CHTF8: variants seen among roughly 807,000 people sequenced by gnomAD.
CHTF8 encodes chromosome transmission fidelity protein 8 homolog.
Under a neutral mutation model 11.0 loss-of-function variants are expected in CHTF8, and 6 were observed. The observed-to-expected ratio is 0.55, with a 90% CI of 0.30 to 1.08. The LOEUF (loss-of-function observed/expected upper bound fraction) is 1.08, where lower values mean the gene tolerates loss of function less well. Among genes scored for constraint, CHTF8 ranks in the 50% least tolerant of loss-of-function variants. CHTF8 has a pLI of 0.07. For missense variants in CHTF8, 140 were observed against 153.1 expected, an observed-to-expected ratio of 0.91 and a Z score of 0.45; for synonymous variants, 53 against 60.5, an observed-to-expected ratio of 0.88 and a Z score of 0.57.
intron 1 of CHTF8, among the ~76,000 whole-genome samples, chr16:69,124,622 G>A (rs1012090760): frequency 1.3e-4 from 19 of 151,652 alleles, no homozygotes; most frequent in Admixed American, 3.9e-4. Context: ...TGATCCACCC[G>A]CCTCAGCCTC....
rs2152263147 is a variant in CHTF8 at position 69,118,139 on chromosome 16, ATTCC to A, written c.*2282_*2285del. 1 of 341,256 alleles carries A rather than the reference ATTCC, an allele frequency of 2.9e-6. No individual in the cohort carries two copies. The highest frequency in any genetic ancestry group is 5.4e-6 in the Non-Finnish European group (1 of 185,694). The allele number at this position is 341,256 out of a possible 1,614,324, so 21.1% of individuals were successfully genotyped here. Reference sequence around the variant, plus strand: ...CCCTTCATCCCCCACCCCCACCCTAATTCCCATATTCCCATCCACATCAGTTTAA... The same window carrying A: ...CCCTTCATCCCCCACCCCCACCCTAACATATTCCCATCCACATCAGTTTAA... On this transcript the variant is annotated 3_prime_UTR_variant, in exon 4 of 4. Transcript: ENST00000448552.
In CHTF8 at chr16:69,120,254, C is replaced by T; in HGVS notation, c.*171G>A. 1 of 720,964 alleles carries T rather than the reference C, an allele frequency of 1.4e-6. No homozygotes were observed. Among genetic ancestry groups the T allele is most frequent in the South Asian group, 1.5e-5 (1 of 67,950 alleles). 44.7% of individuals were successfully genotyped at this position (720,964 alleles called of 1,614,324 possible). ...CTTGGAAATGGGGTCAGATTTCCAC[C>T]AAGAGAACCGGCCGCCATAAGGAAG... On this transcript the variant is annotated 3_prime_UTR_variant, in exon 4 of 4. Transcript: ENST00000448552. The surrounding 1 kb of genome is among the most constrained non-coding windows in gnomAD (Gnocchi z 4.0).
Position 69,120,056 on chromosome 16 carries a change from G to A in CHTF8, c.*369C>T, listed in dbSNP as rs1454800941. On this transcript the variant is annotated 3_prime_UTR_variant, in exon 4 of 4. Coordinates refer to ENST00000448552, the MANE Select transcript of CHTF8 (RefSeq NM_001039690.5). This position sits in a 1 kb window ranked among gnomAD's most constrained non-coding sequence, Gnocchi z 4.0. Reference sequence around the variant, plus strand: ...GTCCTAGGGTTTAGGGTGGGGCCTGGGCCTGGGCCTGGCCCCAAGAGGCCA... The same window carrying A: ...GTCCTAGGGTTTAGGGTGGGGCCTGAGCCTGGGCCTGGCCCCAAGAGGCCA... The A allele has an allele frequency of 1.6e-5, 11 of 689,174 alleles. No homozygotes were observed. Among genetic ancestry groups the A allele is most frequent in the African/African-American group, 1.4e-4 (8 of 56,142 alleles). 42.7% of individuals were successfully genotyped at this position (689,174 alleles called of 1,614,324 possible).
chr16:69,130,251 C>T (rs149563943), intron 1 of CHTF8, among the ~76,000 whole-genome samples: 1,912 of 152,120 alleles, frequency 0.013, 40 homozygotes, highest in African/African-American at 0.043. Context: ...TTTGACTCAA[C>T]GGTTTAACCT....
chr16:69,124,910 T>C (rs185772714), intron 1 of CHTF8, among the ~76,000 whole-genome samples: 22 of 152,048 alleles, frequency 1.4e-4, no homozygotes, highest in Non-Finnish European at 2.6e-4. Flanking sequence ...GTCAACTCAC[T>C]AGACTTTTTT....
At chr16:69,129,997 T>G (rs1260396697) in intron 1 of CHTF8, among the ~76,000 whole-genome samples, 1 of 152,242 alleles carries the variant, frequency 6.6e-6, no homozygotes, top group African/African-American at 2.4e-5. Flanking sequence ...TGCTCCTGAA[T>G]GTGAAAGTCA....
intron 1 of CHTF8, among the ~76,000 whole-genome samples, chr16:69,129,335 C>T (rs1448831181): frequency 1.4e-5 from 2 of 145,702 alleles, no homozygotes; most frequent in East Asian, 4.1e-4. Flanking sequence ...GAGGCTGAGG[C>T]AGGAGAATGG....
Position 69,118,644 on chromosome 16 carries a change from G to A in CHTF8, c.*1781C>T, listed in dbSNP as rs1457920771. On this transcript the variant is annotated 3_prime_UTR_variant, in exon 4 of 4. Transcript: ENST00000448552. Reference sequence around the variant, plus strand: ...TGGAGATCCTTTCTCTCAAGGGCAGGATTATTCCCACCTGCCACAGTTCAC... The same window carrying A: ...TGGAGATCCTTTCTCTCAAGGGCAGAATTATTCCCACCTGCCACAGTTCAC... 2 of 697,384 alleles carry A rather than the reference G, an allele frequency of 2.9e-6. No homozygotes were observed. The highest frequency in any genetic ancestry group is 1.8e-5 in the African/African-American group (1 of 56,960). The allele number at this position is 697,384 out of a possible 1,614,324, so 43.2% of individuals were successfully genotyped here.
In CHTF8 at chr16:69,132,513, G is replaced by T. The variant is rs1481671706; in HGVS notation, c.-65C>A. 1 of 283,654 alleles carries T rather than the reference G, an allele frequency of 3.5e-6. No homozygotes were observed. The highest frequency in any genetic ancestry group is 2.7e-5 in the South Asian group (1 of 36,408). The allele number at this position is 283,654 out of a possible 1,614,324, so 17.6% of individuals were successfully genotyped here. A position where few individuals can be genotyped will look rare whatever the true frequency, so the allele number is the denominator to read the frequency against. On this transcript the variant is annotated 5_prime_UTR_variant, in exon 1 of 4. Transcript: ENST00000448552. ...AATGGCGGCCGCCGAGCGCGGCGCC[G>T]CGCGGCCAACGGGCGACAACCGAAC...
chr16:69,119,190 G>A lies in CHTF8; in HGVS notation c.*1235C>T. 1.4e-6 allele frequency: 1 copy of A among 703,074 alleles called. No homozygotes were observed. The highest frequency in any genetic ancestry group is 1.5e-5 in the South Asian group (1 of 67,568). 43.6% of individuals were successfully genotyped at this position (703,074 alleles called of 1,614,324 possible). On this transcript the variant is annotated 3_prime_UTR_variant, in exon 4 of 4. Coordinates refer to ENST00000448552, the MANE Select transcript of CHTF8 (RefSeq NM_001039690.5). ...GACCCTGCAGGCCAGTGGCCCTTGG[G>A]AAGTTAGCTGGGTTGGGGCCAAGTG...
chr16:69,125,525 C>T (rs1962000142), intron 1 of CHTF8, among the ~76,000 whole-genome samples: 9 of 152,150 alleles, frequency 5.9e-5, no homozygotes, highest in Admixed American at 5.9e-4. Context: ...GAAAAAGAAT[C>T]AAGGCATCAG....
intron 1 of CHTF8, 45 bp from the exon 2 acceptor site, chr16:69,121,538 T>C (rs1464718904): frequency 2.5e-6 from 3 of 1,206,786 alleles, no homozygotes; most frequent in African/African-American, 1.5e-5. Context: ...CAACAACAAC[T>C]AATAATGACA....
Position 69,121,368 on chromosome 16 carries a change from G to A in CHTF8, c.23+68C>T. ...GCACCTAAGGACCCTGATTCTTCCA[G>A]ACACATGGCACACCTCTATAGCCCT... On this transcript the variant is annotated intron_variant, in intron 2 of 3. Coordinates refer to ENST00000448552, the MANE Select transcript of CHTF8 (RefSeq NM_001039690.5). 4.9e-6 allele frequency: 7 copies of A among 1,415,756 alleles called. 1 individual carries two copies. In the South Asian group the frequency reaches 7.6e-5, roughly 15 times the overall value. The allele number at this position is 1,415,756 out of a possible 1,614,324, so 87.7% of individuals were successfully genotyped here.
chr16:69,126,148 G>T (rs1407048663), intron 1 of CHTF8, among the ~76,000 whole-genome samples: 1 of 152,156 alleles, frequency 6.6e-6, no homozygotes, highest in Non-Finnish European at 1.5e-5. Context: ...AAATACAGGT[G>T]GTTTTAGAGA....
intron 1 of CHTF8, among the ~76,000 whole-genome samples, chr16:69,125,123 C>T (rs1485824818): frequency 1.3e-5 from 2 of 152,082 alleles, no homozygotes; most frequent in African/African-American, 4.8e-5. Context: ...AGGCTGGTCT[C>T]GAACTCCCAA....
At chr16:69,124,678 T>C (rs1961931338) in intron 1 of CHTF8, among the ~76,000 whole-genome samples, 1 of 152,084 alleles carries the variant, frequency 6.6e-6, no homozygotes, top group African/African-American at 2.4e-5. Context: ...CCCAGCCGAT[T>C]TCTTTAAGAG....
In CHTF8 at chr16:69,124,259, T is replaced by C. The variant is rs146696723; in HGVS notation, c.-35-2766A>G. 2.0e-3 allele frequency among the ~76,000 whole-genome samples: 305 copies of C among 152,274 alleles called. 6 individuals carry two copies. The highest frequency in any genetic ancestry group is 0.017 in the Admixed American group (264 of 15,290). ...GATGCATAGATTCATGGGGGGCTGA[T>C]AGGATCGGGGATAAAACTACAGCTT... On this transcript the variant is annotated intron_variant, in intron 1 of 3. Coordinates refer to ENST00000448552, the MANE Select transcript of CHTF8 (RefSeq NM_001039690.5).
rs1307437254 is a variant in CHTF8, at chr16:69,120,463, G to T, written c.328C>A (p.Pro110Thr). The T allele has an allele frequency of 3.7e-6, 6 of 1,614,008 alleles. No individual in the cohort carries two copies. Among genetic ancestry groups the T allele is most frequent in the African/African-American group, 1.3e-5 (1 of 74,914 alleles). The change falls in exon 4 of 4, where the codon CCC (proline) becomes ACC (threonine). Residue 110 changes from proline (P) to threonine (T), a missense_variant. Coordinates refer to ENST00000448552, the MANE Select transcript of CHTF8 (RefSeq NM_001039690.5). The surrounding 1 kb of genome is among the most constrained non-coding windows in gnomAD (Gnocchi z 4.0). ...GGGACGCTGGTGATAATGGGCTTGG[G>T]GCGGGTTTTGAAAAGGATCTTGTCT... ...IKDKILFKTR[P>T]KPIITSVPKK...
intron 1 of CHTF8, among the ~76,000 whole-genome samples, chr16:69,129,888 C>T (rs1962370517): frequency 6.6e-6 from 1 of 152,210 alleles, no homozygotes; most frequent in Admixed American, 6.5e-5. Context: ...AACAAAGAAG[C>T]AGCTTGCTTT....
Sources: gnomAD v4.1 joint callset for allele counts (sites outside exome capture counted in the v4.1 genomes callset) on GRCh38, gnomAD v4.1.1 for gene constraint, Gnocchi (gnomAD v3.1) non-coding constraint, MANE v1.5 for transcripts, NCBI Gene and HGNC (gene_info 2026-07-23, HGNC 2026-07-21) for gene names.